Variants in SNTG1 observed in about 807,000 individuals in gnomAD.
SNTG1 encodes syntrophin gamma 1.
SNTG1 carries 39 observed loss-of-function variants against 74.7 expected under a neutral mutation model. The observed-to-expected ratio is 0.52, with a 90% CI of 0.40 to 0.68. The LOEUF (loss-of-function observed/expected upper bound fraction) is 0.68. Ranked by LOEUF, SNTG1 falls within the 30% of genes least tolerant of loss-of-function variation. The pLI, the probability that SNTG1 is intolerant of heterozygous loss-of-function variation, is 0.00. For synonymous variants in SNTG1, 254 were observed against 217.1 expected, an observed-to-expected ratio of 1.17 and a Z score of -1.49; for missense variants, 685 against 609.5, an observed-to-expected ratio of 1.12 and a Z score of -1.30.
chr8:50,484,816 G>A (rs1432840782), intron 8 of SNTG1, among the ~76,000 whole-genome samples: 3 of 150,854 alleles, frequency 2.0e-5, no homozygotes, highest in South Asian at 2.1e-4. Flanking sequence ...CCGAGATCAC[G>A]CTGTCACACT....
At chr8:50,495,523 G>C (rs1585459726) in intron 8 of SNTG1, among the ~76,000 whole-genome samples, 1 of 149,196 alleles carries the variant, frequency 6.7e-6, no homozygotes, top group African/African-American at 2.5e-5. Flanking sequence ...ACTTCACATA[G>C]TTGATTAACC....
chr8:49,991,586 A>G (rs1269069838), intron 1 of SNTG1, among the ~76,000 whole-genome samples: 1 of 152,232 alleles, frequency 6.6e-6, no homozygotes, highest in Admixed American at 6.5e-5. Flanking sequence ...ATAATGGAAG[A>G]ATATTTGAGA....
rs138667528 is a variant in SNTG1 at position 50,560,253 on chromosome 8, G to A, written c.810+7074G>A. ...GGCAAGGTTGCACAGAAAAAGGAAT[G>A]CATCTATACTGTTGTGGGAATATAA... On this transcript the variant is annotated intron_variant, in intron 12 of 18. Transcript: ENST00000642720. Among the ~76,000 whole-genome samples the A allele has an allele frequency of 4.0e-3, 608 of 152,298 alleles. 4 individuals carry two copies. Among genetic ancestry groups the A allele is most frequent in the African/African-American group, 0.014 (569 of 41,576 alleles).
intron 1 of SNTG1, among the ~76,000 whole-genome samples, chr8:50,159,758 T>C (rs901080043): frequency 2.0e-5 from 3 of 152,164 alleles, no homozygotes; most frequent in African/African-American, 4.8e-5. Context: ...AGTGTTTCTA[T>C]GGAGTGTTCA....
At chr8:50,240,852 T>C (rs1191934270) in intron 2 of SNTG1, among the ~76,000 whole-genome samples, 1 of 152,210 alleles carries the variant, frequency 6.6e-6, no homozygotes, top group Non-Finnish European at 1.5e-5. Flanking sequence ...AAAATAGAGG[T>C]ATTTCCCGTG....
chr8:50,444,813 G>T (rs2093391451), intron 5 of SNTG1, among the ~76,000 whole-genome samples: 1 of 151,580 alleles, frequency 6.6e-6, no homozygotes, highest in Non-Finnish European at 1.5e-5. Context: ...GAGGGTTATG[G>T]ATTAGTCCCA....
At chr8:50,673,312 T>C (rs1297832859) in intron 15 of SNTG1, among the ~76,000 whole-genome samples, 1 of 152,206 alleles carries the variant, frequency 6.6e-6, no homozygotes, top group Non-Finnish European at 1.5e-5. Context: ...TCCATGAGGA[T>C]GGAATATTTT....
rs185651254 is a variant in SNTG1, at chr8:50,767,841, T to A, written c.1395+15730T>A. Among the ~76,000 whole-genome samples, 138 of 152,090 alleles carry A rather than the reference T, an allele frequency of 9.1e-4. 2 individuals carry two copies. The highest frequency in any genetic ancestry group is 6.8e-3 in the Middle Eastern group (2 of 294). On this transcript the variant is annotated intron_variant, in intron 18 of 18. Coordinates refer to ENST00000642720, the MANE Select transcript of SNTG1 (RefSeq NM_018967.5). ...AATTGGACTTAACATGGAGAGAAAA[T>A]CCCCTGATTTCAAAACGTGCTGTAT...
At chr8:50,212,961 A>G (rs1289787247) in intron 2 of SNTG1, among the ~76,000 whole-genome samples, 2 of 152,178 alleles carry the variant, frequency 1.3e-5, no homozygotes, top group African/African-American at 4.8e-5. Flanking sequence ...GCGATGGCAA[A>G]CAGCATTTTA....
chr8:50,047,365 T>A (rs902457579), intron 1 of SNTG1, among the ~76,000 whole-genome samples: 12 of 152,004 alleles, frequency 7.9e-5, no homozygotes, highest in Non-Finnish European at 1.8e-4. Flanking sequence ...CAACATACAA[T>A]CAATCATTAA....
chr8:50,690,432 T>A lies in SNTG1; in HGVS notation c.1039-14168T>A, dbSNP rs1216299662. The stretch of plus-strand genomic sequence containing the variant: ...ACACTGGTTTGAATGTGTCCCAGAG[T>A]TTCTGGTATGTTGTGTCTTTGTTCT... On this transcript the variant is annotated intron_variant, in intron 15 of 18. Transcript: ENST00000642720. Among the ~76,000 whole-genome samples, 3 of 151,518 alleles carry A rather than the reference T, an allele frequency of 2.0e-5. No homozygotes were observed. In the East Asian group the frequency reaches 5.8e-4, roughly 29 times the overall value.
At chr8:49,979,796 G>A (rs555685528) in intron 1 of SNTG1, among the ~76,000 whole-genome samples, 21 of 152,208 alleles carry the variant, frequency 1.4e-4, no homozygotes, top group Non-Finnish European at 2.5e-4. Context: ...GGATTGCTGA[G>A]TCGCTTGTGT....
intron 9 of SNTG1, among the ~76,000 whole-genome samples, chr8:50,513,989 C>G (rs1030051880): frequency 3.7e-4 from 56 of 152,334 alleles, no homozygotes; most frequent in African/African-American, 1.2e-3. Context: ...GCAGGAATCA[C>G]CCGTCTTCTG....
chr8:50,453,294 C>T (rs2093473015), intron 8 of SNTG1, among the ~76,000 whole-genome samples: 1 of 152,074 alleles, frequency 6.6e-6, no homozygotes, highest in African/African-American at 2.4e-5. Flanking sequence ...TAACCAAATG[C>T]CTAGAATTAG....
intron 2 of SNTG1, among the ~76,000 whole-genome samples, chr8:50,362,131 C>T (rs997717085): frequency 6.6e-6 from 1 of 152,050 alleles, no homozygotes; most frequent in African/African-American, 2.4e-5. Flanking sequence ...AGAAAATCAC[C>T]TCAGGACTAT....
At position 50,795,765 on chromosome 8, in the gene SNTG1, T is replaced by C. The variant is rs1320644940; in HGVS notation, c.*2936T>C. 4 of 152,086 alleles carry C rather than the reference T, an allele frequency of 2.6e-5. No homozygotes were observed. Among genetic ancestry groups the C allele is most frequent in the African/African-American group, 9.7e-5 (4 of 41,444 alleles). 9.4% of individuals were successfully genotyped at this position (152,086 alleles called of 1,614,324 possible). On this transcript the variant is annotated 3_prime_UTR_variant, in exon 19 of 19. Coordinates refer to ENST00000642720, the MANE Select transcript of SNTG1 (RefSeq NM_018967.5). ...AACAATTCATCTAAGTCGAAGTATA[T>C]TACAGAAAGGGCATTTATAATTTGT... is the stretch of plus-strand genomic sequence containing the variant.
chr8:50,516,105 C>A (rs1230925843), intron 9 of SNTG1, among the ~76,000 whole-genome samples: 3 of 152,114 alleles, frequency 2.0e-5, no homozygotes, highest in Non-Finnish European at 2.9e-5. Context: ...AAGGAACAGG[C>A]AACAATTTTT....
At chr8:50,779,219 G>GT (rs1299987066) in intron 18 of SNTG1, among the ~76,000 whole-genome samples, 1 of 152,268 alleles carries the variant, frequency 6.6e-6, no homozygotes, top group East Asian at 1.9e-4. Context: ...CTTTAAAGTA[G>GT]TTTTTTCCAA....
rs763458773 is a variant in SNTG1, at chr8:50,708,933, A to G, written c.1239A>G (p.Thr413=). 5 of 1,613,820 alleles carry G rather than the reference A, an allele frequency of 3.1e-6. No homozygotes were observed. Among genetic ancestry groups the G allele is most frequent in the Non-Finnish European group, 4.2e-6 (5 of 1,179,940 alleles). The part of the protein sequence containing the change: ...CVLESHLMGL[T]IDFSTGFICF... The stretch of plus-strand genomic sequence containing the variant: ...TAGAAAGTCATCTAATGGGACTCAC[A>G]ATTGATTTCAGCACAGGATTTATCT... Residue 413 remains threonine (T), a synonymous_variant, in exon 17 of 19, where the codon ACA becomes ACG. Transcript: ENST00000642720.
Sources: allele counts gnomAD v4.1 joint callset (sites outside exome capture counted in the v4.1 genomes callset), GRCh38; gene constraint gnomAD v4.1.1; transcripts MANE v1.5; gene names NCBI Gene and HGNC (gene_info 2026-07-23, HGNC 2026-07-21).